The following PCDH20 variants were observed in gnomAD, a reference collection of about 807,000 sequenced individuals.
The protein encoded by PCDH20 is protocadherin 20.
A neutral mutation model predicts 39.7 loss-of-function variants in PCDH20; 18 were observed. The ratio of observed to expected loss-of-function variants is 0.45; its 90% CI spans 0.31 to 0.67. The LOEUF (loss-of-function observed/expected upper bound fraction) is 0.67, where lower values mean the gene tolerates loss of function less well. Among genes scored for constraint, PCDH20 ranks in the 30% least tolerant of loss-of-function variants. PCDH20 has a pLI of 0.05. For missense variants in PCDH20, 1,161 were observed against 1,167.4 expected (o/e 0.99, Z 0.08); for synonymous variants, 495 against 455.4 (o/e 1.09, Z -1.11).
exon 1 of PCDH20, chr13:61,415,357 C>T: frequency 1.9e-6 from 1 of 535,184 alleles, no homozygotes; most frequent in East Asian, 3.6e-5. Flanking sequence ...GCAGGTAACT[C>T]CATACTCTGC....
At chr13:61,411,517 G>A (rs148905639) in exon 2 of PCDH20, 86 of 1,613,886 alleles carry the variant, frequency 5.3e-5, no homozygotes, top group Non-Finnish European at 4.0e-5. Context: ...ATTAATCTCT[G>A]GTTCTTTTCT....
At chr13:61,411,724 G>A in exon 2 of PCDH20, 2 of 1,614,154 alleles carry the variant, frequency 1.2e-6, no homozygotes, top group Non-Finnish European at 1.7e-6. Flanking sequence ...GAAGGACTCA[G>A]GCCTAGGACC....
chr13:61,415,155 G>A (rs543863977), exon 1 of PCDH20: 4 of 1,436,994 alleles, frequency 2.8e-6, no homozygotes, highest in South Asian at 2.8e-5. Context: ...CCTCGGCCGC[G>A]CATTCCCTGG....
chr13:61,409,819 C>T (rs748671827), exon 2 of PCDH20: 1 of 151,862 alleles, frequency 6.6e-6, no homozygotes, highest in South Asian at 2.1e-4. Context: ...AAATAACAAG[C>T]CCATGTTCAA....
chr13:61,412,079 C>T lies in PCDH20; in HGVS notation c.2020G>A (p.Val674Ile). 2 of 1,614,116 alleles carry T rather than the reference C, an allele frequency of 1.2e-6. No individual in the cohort carries two copies. The highest frequency in any genetic ancestry group is 1.7e-6 in the Non-Finnish European group (2 of 1,180,026). ...CTCTGGTTCACCACAGAGAGGGCGA[C>T]CCATCCATTTCGTCCAGCGTCAGCA... The change falls in exon 2 of 2, where the codon GTC (valine) becomes ATC (isoleucine). Residue 674 changes from valine (V) to isoleucine (I), a missense_variant. Transcript: ENST00000409204.
exon 2 of PCDH20, chr13:61,410,132 T>C (rs1011436428): frequency 6.6e-6 from 1 of 152,070 alleles, no homozygotes; most frequent in Non-Finnish European, 1.5e-5. Context: ...AAATAAACTG[T>C]TGGATTTAAT....
At position 61,412,648 on chromosome 13, in the gene PCDH20, T is replaced by C. The variant is rs375475928; in HGVS notation, c.1451A>G (p.Asn484Ser). The change falls in exon 2 of 2, where the codon AAT (asparagine) becomes AGT (serine). Residue 484 changes from asparagine (N) to serine (S), a missense_variant. By Grantham distance (46) the Asn-to-Ser change is conservative. Coordinates refer to ENST00000409204, the Ensembl canonical transcript of PCDH20. ...TGTGGTCTCTAGTAAATATTCATTA[T>C]TGTATGGTTTGTAAGGTGATAACCT... 1.1e-5 allele frequency: 17 copies of C among 1,614,000 alleles called. 1 individual carries two copies. The East Asian group carries it at 1.6e-4, about 15-fold the overall frequency.
At chr13:61,415,676 T>G (rs574075837), upstream of PCDH20, 1 of 152,408 alleles carries the variant, frequency 6.6e-6, no homozygotes, top group African/African-American at 2.4e-5. Context: ...AAAATGCACT[T>G]TTCTCAGCGG....
chr13:61,413,114 C>T, exon 2 of PCDH20: 1 of 1,614,216 alleles, frequency 6.2e-7, no homozygotes, highest in Non-Finnish European at 8.5e-7. Flanking sequence ...TTCCCATACA[C>T]AGTGACATTG....
exon 1 of PCDH20, chr13:61,415,237 G>A: frequency 7.8e-7 from 1 of 1,284,296 alleles, no homozygotes; most frequent in Non-Finnish European, 9.9e-7. Flanking sequence ...GCAAATCGCT[G>A]GGGGAACTTC....
At chr13:61,411,772 A>G (rs1878250992) in exon 2 of PCDH20, 5 of 1,614,208 alleles carry the variant, frequency 3.1e-6, no homozygotes, top group Non-Finnish European at 4.2e-6. Flanking sequence ...GACAGCATTC[A>G]TGCCTGTGTC....
rs1871427980 is a variant in PCDH20 at position 61,412,741 on chromosome 13, A to T, written c.1358T>A (p.Phe453Tyr). The T allele has an allele frequency of 6.2e-7, 1 of 1,614,030 alleles. No individual in the cohort carries two copies. Among genetic ancestry groups the T allele is most frequent in the Non-Finnish European group, 8.5e-7 (1 of 1,180,040 alleles). The change falls in exon 2 of 2, where the codon TTT (phenylalanine) becomes TAT (tyrosine). Residue 453 changes from phenylalanine to tyrosine, a missense_variant. Physicochemically the swap from Phe to Tyr is conservative, Grantham distance 22. Around this residue, in one of 3 missense-constraint regions of PCDH20, gnomAD observed 754 missense variants for 777.5 expected, o/e 0.97. Coordinates refer to ENST00000409204, the Ensembl canonical transcript of PCDH20. ...ACCTTCTGGATCTCTTATGGTGAAAAACGCAATGGGAGTGTTAACGGGTTC... is the reference window on the plus strand; with the variant it reads ...ACCTTCTGGATCTCTTATGGTGAAATACGCAATGGGAGTGTTAACGGGTTC...
At chr13:61,411,267 C>T (rs1878238711) in exon 2 of PCDH20, 1 of 1,612,676 alleles carries the variant, frequency 6.2e-7, no homozygotes, top group South Asian at 1.1e-5. Flanking sequence ...TATCCATTGG[C>T]TTTCTCTCTC....
In PCDH20 at chr13:61,410,974, G is replaced by A. The variant is rs111555066; in HGVS notation, c.*269C>T. 378 of 232,080 alleles carry A rather than the reference G, an allele frequency of 1.6e-3. 4 individuals carry two copies. The highest frequency in any genetic ancestry group is 8.5e-3 in the African/African-American group (348 of 41,114). 14.4% of individuals were successfully genotyped at this position (232,080 alleles called of 1,614,324 possible). ...AGGTTTTATCAATCATCTGCTTGGT[G>A]TATGAAAGCTGCAAACCATGTCCAA... On this transcript the variant is annotated 3_prime_UTR_variant, in exon 2 of 2. Transcript: ENST00000409204.
exon 2 of PCDH20, chr13:61,413,546 G>A: frequency 6.2e-7 from 1 of 1,614,124 alleles, no homozygotes. Flanking sequence ...TCCTGAGGCA[G>A]GACAAGCACA....
At chr13:61,413,173 C>T in exon 2 of PCDH20, 2 of 1,614,044 alleles carry the variant, frequency 1.2e-6, no homozygotes, top group South Asian at 1.1e-5. Context: ...GTCACTGATG[C>T]CAATGGTGAG....
chr13:61,412,085 C>T (rs1304204654), exon 2 of PCDH20: 1 of 1,614,010 alleles, frequency 6.2e-7, no homozygotes, highest in Non-Finnish European at 8.5e-7. Flanking sequence ...GCGACCCATC[C>T]ATTTCGTCCA....
At chr13:61,412,882 A>G (rs141654352) in exon 2 of PCDH20, 5 of 1,614,000 alleles carry the variant, frequency 3.1e-6, no homozygotes, top group Non-Finnish European at 4.2e-6. Context: ...TACAGCAGGG[A>G]TGCAGCCTGG....
chr13:61,409,823 T>C lies in PCDH20; in HGVS notation c.*1420A>G, dbSNP rs576634876. 2.6e-5 allele frequency: 4 copies of C among 152,094 alleles called. No homozygotes were observed. In the East Asian group the frequency reaches 7.7e-4, roughly 29 times the overall value. 9.4% of individuals were successfully genotyped at this position (152,094 alleles called of 1,614,324 possible). ...GCACTTCAGTGAAATAACAAGCCCA[T>C]GTTCAAATATAAAATGCTAAAAGTG... On this transcript the variant is annotated 3_prime_UTR_variant, in exon 2 of 2. Coordinates refer to ENST00000409204, the Ensembl canonical transcript of PCDH20.
Sources: gnomAD v4.1 joint callset for allele counts on GRCh38, gnomAD v4.1.1 for gene constraint, gnomAD v4.1.1 regional missense constraint, MANE v1.5 for transcripts, NCBI Gene and HGNC (gene_info 2026-07-23, HGNC 2026-07-21) for gene names.